SUGCT: variants seen among roughly 807,000 people sequenced by gnomAD.
SUGCT encodes the protein succinyl-CoA:glutarate CoA-transferase.
Under a neutral mutation model 55.0 loss-of-function variants are expected in SUGCT, and 41 were observed. That is an observed-to-expected ratio of 0.74 (90% CI 0.58 to 0.97). The LOEUF (loss-of-function observed/expected upper bound fraction) is 0.97. Ranked by LOEUF, SUGCT falls within the 50% of genes least tolerant of loss-of-function variation. The probability of loss-of-function intolerance (pLI) is 0.00; values close to 1 mark genes in which losing one functional copy is unlikely to be tolerated. For missense variants in SUGCT, 568 were observed against 547.8 expected (o/e 1.04, Z -0.37); for synonymous variants, 187 against 200.4 (o/e 0.93, Z 0.56).
chr7:40,241,206 G>A (rs1221230140), intron 7 of SUGCT, among the ~76,000 whole-genome samples: 1 of 152,114 alleles, frequency 6.6e-6, no homozygotes, highest in East Asian at 1.9e-4. Flanking sequence ...GTGTTATAAT[G>A]AAAAAACTCA....
intron 1 of SUGCT, among the ~76,000 whole-genome samples, chr7:40,173,476 C>T (rs577980431): frequency 8.5e-5 from 13 of 152,312 alleles, no homozygotes; most frequent in South Asian, 6.2e-4. Flanking sequence ...AACAGAGCTC[C>T]CATACAATGG....
At chr7:40,659,399 A>G (rs887101638) in intron 12 of SUGCT, among the ~76,000 whole-genome samples, 1 of 152,032 alleles carries the variant, frequency 6.6e-6, no homozygotes, top group Admixed American at 6.5e-5. Context: ...GCTCCTCTCC[A>G]TGCGTGCCTA....
chr7:40,365,951 G>A (rs972710839), intron 9 of SUGCT, among the ~76,000 whole-genome samples: 6 of 152,036 alleles, frequency 3.9e-5, no homozygotes, highest in Non-Finnish European at 8.8e-5. Context: ...AGCTCACATC[G>A]CCAAGTCAAT....
intron 12 of SUGCT, among the ~76,000 whole-genome samples, chr7:40,537,140 G>T (rs1794406912): frequency 6.6e-6 from 1 of 152,108 alleles, no homozygotes; most frequent in Non-Finnish European, 1.5e-5. Flanking sequence ...CAATCTTTCT[G>T]TGACTTTGAG....
intron 13 of SUGCT, among the ~76,000 whole-genome samples, chr7:40,809,484 A>T (rs1791290744): frequency 6.6e-6 from 1 of 152,092 alleles, no homozygotes. Context: ...TTTTTCTACC[A>T]TCAGCAGAAT....
chr7:41,008,543 G>A, the SUGCT span, among the ~76,000 whole-genome samples: 9,636 of 152,204 alleles, frequency 0.063, 559 homozygotes, highest in South Asian at 0.19. Context: ...TCATGCCTTG[G>A]GAAATTCCTA....
intron 9 of SUGCT, among the ~76,000 whole-genome samples, chr7:40,327,840 A>G (rs1000101378): frequency 9.2e-5 from 14 of 152,252 alleles, no homozygotes; most frequent in East Asian, 5.8e-4. Flanking sequence ...ACATTTATCA[A>G]TGATTACTGT....
chr7:40,721,438 G>C (rs1786333209), intron 12 of SUGCT, among the ~76,000 whole-genome samples: 2 of 152,300 alleles, frequency 1.3e-5, no homozygotes, highest in Admixed American at 6.5e-5. Flanking sequence ...GATAAGGAAT[G>C]CTCTCAGAGG....
chr7:40,204,060 C>G (rs1786789000), intron 6 of SUGCT, among the ~76,000 whole-genome samples: 1 of 151,760 alleles, frequency 6.6e-6, no homozygotes, highest in Admixed American at 6.6e-5. Flanking sequence ...ATGATCATAG[C>G]TCACTACAGC....
chr7:40,365,584 T>C (rs1783906859), intron 9 of SUGCT, among the ~76,000 whole-genome samples: 2 of 152,106 alleles, frequency 1.3e-5, no homozygotes, highest in African/African-American at 2.4e-5. Context: ...ACAAAATCAA[T>C]GTACAAAAAT....
chr7:40,534,364 A>G (rs1794245668), intron 12 of SUGCT, among the ~76,000 whole-genome samples: 1 of 152,204 alleles, frequency 6.6e-6, no homozygotes, highest in African/African-American at 2.4e-5. Flanking sequence ...ACATATTTGT[A>G]AGAATCAAAT....
intron 12 of SUGCT, among the ~76,000 whole-genome samples, chr7:40,716,502 T>C (rs530192799): frequency 3.9e-5 from 6 of 152,334 alleles, no homozygotes; most frequent in South Asian, 2.1e-4. Flanking sequence ...TAAATGCTTG[T>C]TGTGTTTAAA....
intron 12 of SUGCT, among the ~76,000 whole-genome samples, chr7:40,642,249 C>T (rs548279601): frequency 2.0e-4 from 31 of 152,272 alleles, no homozygotes; most frequent in South Asian, 1.9e-3. Context: ...TATATACTTT[C>T]GATGATGTTC....
the SUGCT span, among the ~76,000 whole-genome samples, chr7:41,030,899 C>G: frequency 1.3e-5 from 2 of 152,096 alleles, no homozygotes; most frequent in East Asian, 1.9e-4. Context: ...AATGATTACT[C>G]ATAGTTGGAG....
In SUGCT at chr7:40,478,510, A is replaced by G. The variant is rs568155504; in HGVS notation, c.987-17774A>G. On this transcript the variant is annotated intron_variant, in intron 11 of 13. Transcript: ENST00000335693. Reference sequence around the variant, plus strand: ...GAGACAAATCCTGGCTCGCCTATTTAAAGATGTATTGCTGGGTTTTTTAAA... The same window carrying G: ...GAGACAAATCCTGGCTCGCCTATTTGAAGATGTATTGCTGGGTTTTTTAAA... Among the ~76,000 whole-genome samples, 142 of 152,300 alleles carry G rather than the reference A, an allele frequency of 9.3e-4. 1 individual carries two copies. The highest frequency in any genetic ancestry group is 1.2e-3 in the East Asian group (6 of 5,172).
At chr7:40,178,250 T>C (rs1202964529) in intron 1 of SUGCT, among the ~76,000 whole-genome samples, 1 of 152,232 alleles carries the variant, frequency 6.6e-6, no homozygotes, top group Non-Finnish European at 1.5e-5. Flanking sequence ...TTCTGCCTGC[T>C]TCCATATGGT....
At chr7:40,527,347 A>G (rs1303680305) in intron 12 of SUGCT, among the ~76,000 whole-genome samples, 1 of 152,230 alleles carries the variant, frequency 6.6e-6, no homozygotes. Flanking sequence ...TGGTGACACA[A>G]AACTCTTTCA....
At chr7:40,450,446 A>G (rs1583708736) in intron 10 of SUGCT, among the ~76,000 whole-genome samples, 1 of 146,776 alleles carries the variant, frequency 6.8e-6, no homozygotes, top group South Asian at 2.1e-4. Flanking sequence ...CAGCTTTTAT[A>G]CTAAATTTTA....
intron 9 of SUGCT, among the ~76,000 whole-genome samples, chr7:40,378,576 G>T (rs766601730): frequency 3.5e-4 from 54 of 152,144 alleles, no homozygotes; most frequent in Non-Finnish European, 4.6e-4. Context: ...AGGTTCAAGA[G>T]ATCCTCCCAC....
Sources: gnomAD v4.1 joint callset for allele counts (sites outside exome capture counted in the v4.1 genomes callset) on GRCh38, gnomAD v4.1.1 for gene constraint, MANE v1.5 for transcripts, NCBI Gene and HGNC (gene_info 2026-07-23, HGNC 2026-07-21) for gene names.